CROCC2: variants seen among roughly 807,000 people sequenced by gnomAD.
CROCC2 encodes the protein ciliary rootlet coiled-coil protein 2.
Under a neutral mutation model 177.6 loss-of-function variants are expected in CROCC2, and 163 were observed. The observed-to-expected ratio is 0.92, with a 90% CI of 0.81 to 1.05. CROCC2 has a LOEUF of 1.05. Ranked by LOEUF, CROCC2 falls within the 50% of genes least tolerant of loss-of-function variation. The pLI, the probability that CROCC2 is intolerant of heterozygous loss-of-function variation, is 0.00. For synonymous variants in CROCC2, 904 were observed against 787.3 expected, an observed-to-expected ratio of 1.15 and a Z score of -2.48; for missense variants, 1,929 against 1,797.8, an observed-to-expected ratio of 1.07 and a Z score of -1.32.
rs538844163 is a variant in CROCC2, at chr2:240,989,690, C to A, written c.4720C>A (p.Arg1574=). 1,407 of 1,549,454 alleles carry A rather than the reference C, an allele frequency of 9.1e-4. 4 individuals are homozygous for A. The highest frequency in any genetic ancestry group is 9.2e-4 in the Non-Finnish European group (1,057 of 1,146,200). ...MTEMEQAHTQ[R]LQDLTAQHQR... is the part of the protein sequence containing the mutation. Reference sequence around the variant, plus strand: ...AGAGATGGAGCAGGCCCACACCCAGCGGCTCCAGGACCTGACAGCTCAGCA... The same window carrying A: ...AGAGATGGAGCAGGCCCACACCCAGAGGCTCCAGGACCTGACAGCTCAGCA... The change falls in exon 30 of 32, where the codon CGG becomes AGG. Residue 1574 remains arginine, a synonymous_variant. Coordinates refer to ENST00000690015, the MANE Select transcript of CROCC2 (RefSeq NM_001351305.2).
At chr2:240,931,441 T>C (rs980050910) in intron 7 of CROCC2, among the ~76,000 whole-genome samples, 1 of 152,128 alleles carries the variant, frequency 6.6e-6, no homozygotes, top group East Asian at 1.9e-4. Flanking sequence ...AGCAGGAACA[T>C]TCTTCTAGGG....
At chr2:240,987,868 G>A (rs1021722977) in intron 28 of CROCC2, among the ~76,000 whole-genome samples, 1 of 152,228 alleles carries the variant, frequency 6.6e-6, no homozygotes, top group Non-Finnish European at 1.5e-5. Flanking sequence ...CTGCCTCAGC[G>A]CCTGCCTGGC....
intron 15 of CROCC2, among the ~76,000 whole-genome samples, chr2:240,948,670 A>AC (rs1559600745): frequency 2.0e-5 from 3 of 152,208 alleles, no homozygotes; most frequent in Non-Finnish European, 2.9e-5. Context: ...TGTCTTCTGA[A>AC]CAGTGGCATC....
At chr2:240,920,978 T>C (rs2106454375) in intron 3 of CROCC2, among the ~76,000 whole-genome samples, 1 of 152,262 alleles carries the variant, frequency 6.6e-6, no homozygotes, top group Non-Finnish European at 1.5e-5. Flanking sequence ...AGAGCCCCCC[T>C]GGTTCTGCAT....
In CROCC2 at chr2:240,925,696, C is replaced by T. The variant is rs757599444; in HGVS notation, c.489-28C>T. ...TCTCTTAGGAGAGGCTTCCTACCCCCACCATGCCCTGTGGGTTCTCTGTCC... is the reference window on the plus strand; with the variant it reads ...TCTCTTAGGAGAGGCTTCCTACCCCTACCATGCCCTGTGGGTTCTCTGTCC... On this transcript the variant is annotated intron_variant, in intron 4 of 31. Transcript: ENST00000690015. 6.2e-5 allele frequency: 43 copies of T among 696,464 alleles called. 1 individual carries two copies. In the South Asian group the frequency reaches 6.5e-4, roughly 11 times the overall value. The allele number at this position is 696,464 out of a possible 1,614,324, so 43.1% of individuals were successfully genotyped here.
intron 28 of CROCC2, among the ~76,000 whole-genome samples, chr2:240,984,455 G>A (rs112006517): frequency 6.6e-6 from 1 of 151,806 alleles, no homozygotes; most frequent in East Asian, 1.9e-4. Context: ...TGGGCCCACC[G>A]AGGAGGAGCC....
chr2:240,939,685 TTTC>T (rs1371107987), intron 14 of CROCC2, among the ~76,000 whole-genome samples: 1 of 152,194 alleles, frequency 6.6e-6, no homozygotes, highest in African/African-American at 2.4e-5. Context: ...TCTATTACAA[TTTC>T]TTATTAGTTT....
At chr2:240,948,119 G>A (rs1208693281) in intron 15 of CROCC2, among the ~76,000 whole-genome samples, 1 of 152,174 alleles carries the variant, frequency 6.6e-6, no homozygotes, top group East Asian at 1.9e-4. Flanking sequence ...GGTGAAGAGA[G>A]CACTCAAGCC....
intron 1 of CROCC2, among the ~76,000 whole-genome samples, chr2:240,913,935 G>A (rs1559587437): frequency 1.3e-5 from 2 of 152,274 alleles, no homozygotes; most frequent in African/African-American, 2.4e-5. Flanking sequence ...CCTCAGATGT[G>A]TTCTTCAAGC....
chr2:240,913,901 G>A (rs1280915566), intron 1 of CROCC2, among the ~76,000 whole-genome samples: 2 of 152,254 alleles, frequency 1.3e-5, no homozygotes, highest in Non-Finnish European at 2.9e-5. Flanking sequence ...ACGTCCGGTG[G>A]CTGGACTTGG....
At position 240,982,123 on chromosome 2, in the gene CROCC2, G is replaced by C. The variant is rs1016217732; in HGVS notation, c.4402-757G>C. 3 of 152,298 alleles carry C rather than the reference G, an allele frequency of 2.0e-5. No homozygotes were observed. The highest frequency in any genetic ancestry group is 7.2e-5 in the African/African-American group (3 of 41,408). The allele number at this position is 152,298 out of a possible 1,614,324, so 9.4% of individuals were successfully genotyped here. The stretch of plus-strand genomic sequence containing the variant: ...ATCGAAGGGATGGCGAGTTCCCCGG[G>C]CAGTGTCCTGGGGGCAGCTGGGAGC... On this transcript the variant is annotated intron_variant, in intron 27 of 31. Transcript: ENST00000690015. This position sits in a 1 kb window ranked among gnomAD's most constrained non-coding sequence, Gnocchi z 4.7.
At chr2:240,985,659 G>GCACACACACCCAGGCACTCACTC (rs2059834994) in intron 28 of CROCC2, among the ~76,000 whole-genome samples, 1 of 32,236 alleles carries the variant, frequency 3.1e-5, no homozygotes, top group Non-Finnish European at 4.9e-5. Context: ...CACACACCCA[G>GCACACACACCCAGGCACTCACTC]CACACACACC....
chr2:240,989,214 C>A (rs1418293938), intron 29 of CROCC2, among the ~76,000 whole-genome samples: 2 of 152,046 alleles, frequency 1.3e-5, no homozygotes, highest in Non-Finnish European at 2.9e-5. Context: ...TGTGTTAGGG[C>A]GAGGAAATCC....
intron 4 of CROCC2, among the ~76,000 whole-genome samples, chr2:240,923,244 G>A (rs1016362057): frequency 1.3e-5 from 2 of 150,414 alleles, no homozygotes; most frequent in African/African-American, 5.0e-5. Context: ...ATGACAGGGA[G>A]AGAGTGGCGG....
chr2:240,945,171 A>T (rs2059515669), intron 14 of CROCC2, among the ~76,000 whole-genome samples: 1 of 152,156 alleles, frequency 6.6e-6, no homozygotes, highest in Non-Finnish European at 1.5e-5. Flanking sequence ...CCTGACCTCA[A>T]GTGATCTGCC....
intron 19 of CROCC2, chr2:240,957,898 G>A (rs1032604674): frequency 7.5e-5 from 65 of 860,972 alleles, no homozygotes; most frequent in East Asian, 3.7e-4. Flanking sequence ...GCTCCACCCC[G>A]TGGGCAGGGA....
intron 7 of CROCC2, among the ~76,000 whole-genome samples, chr2:240,931,864 G>A (rs1436098344): frequency 6.6e-6 from 1 of 152,266 alleles, no homozygotes; most frequent in Non-Finnish European, 1.5e-5. Flanking sequence ...CAGCTGCAGG[G>A]GCAGCACACC....
chr2:240,963,105 T>C (rs1254655852), intron 20 of CROCC2, among the ~76,000 whole-genome samples: 1 of 152,194 alleles, frequency 6.6e-6, no homozygotes, highest in East Asian at 1.9e-4. Context: ...CCAGCCTGCC[T>C]GCTGAGGCTG....
chr2:240,983,059 T>C, intron 28 of CROCC2, 30 bp downstream of exon 28: 1 of 1,544,568 alleles, frequency 6.5e-7, no homozygotes. Context: ...CAGGGTACGC[T>C]GTCACCAGGA....
Sources: gnomAD v4.1 joint callset for allele counts (sites outside exome capture counted in the v4.1 genomes callset) on GRCh38, gnomAD v4.1.1 for gene constraint, Gnocchi (gnomAD v3.1) non-coding constraint, MANE v1.5 for transcripts, NCBI Gene and HGNC (gene_info 2026-07-23, HGNC 2026-07-21) for gene names.